Variants in PXDNL observed in about 807,000 individuals in gnomAD.
The protein encoded by PXDNL is peroxidasin like, also known as probable oxidoreductase PXDNL.
In PXDNL, 145 loss-of-function variants were observed where a neutral mutation model predicts 150.8. That is an observed-to-expected ratio of 0.96 (90% confidence interval 0.84 to 1.10). The LOEUF (loss-of-function observed/expected upper bound fraction) is 1.10, where lower values mean the gene tolerates loss of function less well. Among genes scored for constraint, PXDNL ranks in the 50% least tolerant of loss-of-function variants. PXDNL has a pLI of 0.00. For missense variants in PXDNL, 2,087 were observed against 1,873.9 expected, an observed-to-expected ratio of 1.11 and a Z score of -2.10; for synonymous variants, 757 against 725.7, an observed-to-expected ratio of 1.04 and a Z score of -0.69.
chr8:51,700,258 AAC>A (rs71237230), intron 1 of PXDNL, among the ~76,000 whole-genome samples: 80,687 of 150,512 alleles, frequency 0.54, 26,041 homozygotes, highest in Non-Finnish European at 0.7. Context: ...TATACACTCA[AAC>A]ACACACACAC....
intron 1 of PXDNL, among the ~76,000 whole-genome samples, chr8:51,717,658 G>C (rs762093977): frequency 5.3e-4 from 81 of 152,252 alleles, no homozygotes; most frequent in Non-Finnish European, 9.4e-4. Context: ...TGTGTGACCA[G>C]AGACCACAGG....
At chr8:51,639,941 G>A (rs1585640014) in intron 2 of PXDNL, among the ~76,000 whole-genome samples, 1 of 152,024 alleles carries the variant, frequency 6.6e-6, no homozygotes, top group African/African-American at 2.4e-5. Context: ...GAACATTGAC[G>A]CAAAAATCCT....
chr8:51,647,479 G>A (rs1814943748), intron 2 of PXDNL, among the ~76,000 whole-genome samples: 1 of 152,160 alleles, frequency 6.6e-6, no homozygotes, highest in Non-Finnish European at 1.5e-5. Flanking sequence ...ATTCCACTGA[G>A]CACTGTGCAA....
chr8:51,766,115 G>T (rs554533300), intron 1 of PXDNL, among the ~76,000 whole-genome samples: 1 of 152,184 alleles, frequency 6.6e-6, no homozygotes, highest in Non-Finnish European at 1.5e-5. Flanking sequence ...GATGACAGGC[G>T]TGAGCCACCG....
At chr8:51,435,838 T>C (rs1477635757) in intron 12 of PXDNL, 3 of 448,066 alleles carry the variant, frequency 6.7e-6, no homozygotes, top group South Asian at 3.7e-5. Context: ...AGACATTTTA[T>C]GCAGGACTTG....
At chr8:51,509,159 G>T (rs1585536467) in intron 4 of PXDNL, among the ~76,000 whole-genome samples, 1 of 152,094 alleles carries the variant, frequency 6.6e-6, no homozygotes, top group Non-Finnish European at 1.5e-5. Flanking sequence ...AACAATAAGT[G>T]TATGAGGTAA....
chr8:51,374,521 A>G, intron 18 of PXDNL, 76 bp downstream of exon 18: 1 of 1,428,822 alleles, frequency 7.0e-7, no homozygotes, highest in Non-Finnish European at 9.7e-7. Flanking sequence ...AATATGAATC[A>G]CAATGTTAAA....
intron 1 of PXDNL, among the ~76,000 whole-genome samples, chr8:51,719,614 G>A (rs1230269120): frequency 2.7e-5 from 4 of 147,916 alleles, no homozygotes; most frequent in South Asian, 2.1e-4. Flanking sequence ...CCCCCTCTGC[G>A]AGAAACACCC....
chr8:51,596,532 C>G (rs1004640204), intron 2 of PXDNL, among the ~76,000 whole-genome samples: 1 of 152,146 alleles, frequency 6.6e-6, no homozygotes, highest in African/African-American at 2.4e-5. Flanking sequence ...TATAAGCATT[C>G]CCTTTTCTCC....
chr8:51,535,510 T>C (rs1812050176), intron 4 of PXDNL, among the ~76,000 whole-genome samples: 1 of 123,450 alleles, frequency 8.1e-6, no homozygotes, highest in Admixed American at 8.1e-5. Context: ...AAACAGATGC[T>C]TGAAGGCAGC....
chr8:51,375,793 T>A (rs554462595), intron 17 of PXDNL, among the ~76,000 whole-genome samples: 107 of 152,308 alleles, frequency 7.0e-4, no homozygotes, highest in African/African-American at 2.4e-3. Flanking sequence ...ATTTTTACCA[T>A]AAAGGGCCAG....
At chr8:51,499,902 A>G in intron 4 of PXDNL, 132 bp from the exon 5 acceptor site, 2 of 610,616 alleles carry the variant, frequency 3.3e-6, no homozygotes, top group Non-Finnish European at 5.9e-6. Context: ...ACATACAAAA[A>G]TCAGAAACTC....
chr8:51,391,853 A>G (rs1440008873), intron 17 of PXDNL, among the ~76,000 whole-genome samples: 6 of 152,254 alleles, frequency 3.9e-5, no homozygotes, highest in Non-Finnish European at 5.9e-5. Context: ...GTTTTCTTCT[A>G]GGATTTTTAT....
chr8:51,590,107 C>A (rs773470973), intron 3 of PXDNL, among the ~76,000 whole-genome samples: 1 of 152,188 alleles, frequency 6.6e-6, no homozygotes, highest in East Asian at 1.9e-4. Flanking sequence ...TTCCTGTGTT[C>A]CAGCACAGTG....
chr8:51,708,181 GT>G (rs1816421445), intron 1 of PXDNL, among the ~76,000 whole-genome samples: 1 of 152,194 alleles, frequency 6.6e-6, no homozygotes, highest in African/African-American at 2.4e-5. Context: ...AAAATTCCAA[GT>G]TGAAAGAGAG....
chr8:51,705,853 G>A (rs920628203), intron 1 of PXDNL, among the ~76,000 whole-genome samples: 12 of 149,588 alleles, frequency 8.0e-5, no homozygotes, highest in Non-Finnish European at 1.3e-4. Flanking sequence ...GCGCGCGCGC[G>A]TGCATGCACA....
intron 17 of PXDNL, among the ~76,000 whole-genome samples, chr8:51,388,544 G>T (rs1463957237): frequency 6.6e-6 from 1 of 152,118 alleles, no homozygotes; most frequent in East Asian, 1.9e-4. Flanking sequence ...CTTCCTAAGT[G>T]AGATGTTCTG....
At chr8:51,403,098 A>AAAG (rs1808314979) in intron 17 of PXDNL, among the ~76,000 whole-genome samples, 1 of 150,628 alleles carries the variant, frequency 6.6e-6, no homozygotes, top group Admixed American at 6.7e-5. Context: ...CAAAAAAAAA[A>AAAG]AAAAAGAAAA....
rs1816068057 is a variant in PXDNL, at chr8:51,694,305, C to A, written c.165-39545G>T. 2.0e-5 allele frequency among the ~76,000 whole-genome samples: 3 copies of A among 152,000 alleles called. No homozygotes were observed. In the South Asian group the frequency reaches 6.2e-4, roughly 31 times the overall value. The stretch of plus-strand genomic sequence containing the variant: ...TTGAATCCAGGAGGCGGAGGTTGCA[C>A]TGAGCCAAGATGGTGCTACTGCCCT... On this transcript the variant is annotated intron_variant, in intron 1 of 22. Transcript: ENST00000356297.
Sources: gnomAD v4.1 joint callset for allele counts (sites outside exome capture counted in the v4.1 genomes callset) on GRCh38, gnomAD v4.1.1 for gene constraint, MANE v1.5 for transcripts, NCBI Gene and HGNC (gene_info 2026-07-23, HGNC 2026-07-21) for gene names.